FKBP14: variants seen among roughly 807,000 people sequenced by gnomAD.
FKBP14 encodes FKBP prolyl isomerase 14, also known as peptidyl-prolyl cis-trans isomerase FKBP14.
FKBP14 carries 20 observed loss-of-function variants against 21.6 expected under a neutral mutation model. The observed-to-expected ratio is 0.92, with a 90% CI of 0.65 to 1.34. The LOEUF is 1.34. FKBP14 is among the 40% of genes most tolerant of loss of function. The pLI is 0.00. For missense variants in FKBP14, 253 were observed against 249.0 expected (o/e 1.02, Z -0.11); for synonymous variants, 79 against 86.7 (o/e 0.91, Z 0.49).
Position 30,012,808 on chromosome 7 carries a change from C to G in FKBP14, c.*1927G>C, listed in dbSNP as rs1789774691. 6.6e-6 allele frequency: 1 copy of G among 152,154 alleles called. No homozygotes were observed. Among genetic ancestry groups the G allele is most frequent in the Non-Finnish European group, 1.5e-5 (1 of 68,014 alleles). The allele number at this position is 152,154 out of a possible 1,614,324, so 9.4% of individuals were successfully genotyped here. A position where few individuals can be genotyped will look rare whatever the true frequency, so the allele number is the denominator to read the frequency against. On this transcript the variant is annotated 3_prime_UTR_variant, in exon 4 of 4. Coordinates refer to ENST00000222803, the MANE Select transcript of FKBP14 (RefSeq NM_017946.4). ...TAATGTACCAGAAACAGGCAGAAAG[C>G]CATCTTCAGAGAATGAAGACTCAAA...
At chr7:30,015,408 ACT>A (rs970216670) in intron 3 of FKBP14, among the ~76,000 whole-genome samples, 33 of 151,408 alleles carry the variant, frequency 2.2e-4, no homozygotes, top group African/African-American at 7.0e-4. Flanking sequence ...ACAGAGTGAG[ACT>A]CTGTCAAAAA....
chr7:30,022,234 C>G (rs962935058), intron 2 of FKBP14, among the ~76,000 whole-genome samples: 1 of 152,134 alleles, frequency 6.6e-6, no homozygotes, highest in African/African-American at 2.4e-5. Context: ...GGATCTTTCT[C>G]TCTGCATTGT....
rs1789724788 is a variant in FKBP14 at position 30,011,500 on chromosome 7, AT to A, written c.*3234del. 1 of 147,146 alleles carries A rather than the reference AT, an allele frequency of 6.8e-6. No homozygotes were observed. The highest frequency in any genetic ancestry group is 1.5e-5 in the Non-Finnish European group (1 of 67,150). The allele number at this position is 147,146 out of a possible 1,614,324, so 9.1% of individuals were successfully genotyped here. On this transcript the variant is annotated 3_prime_UTR_variant, in exon 4 of 4. Transcript: ENST00000222803. ...TGTAAGCTCCGTTAGTAAGTGCCCT[AT>A]ACAGGTATACCATATATATATATAT...
chr7:30,006,798 C>A (rs1452741005), downstream of FKBP14, among the ~76,000 whole-genome samples: 1 of 152,192 alleles, frequency 6.6e-6, no homozygotes, highest in African/African-American at 2.4e-5. Flanking sequence ...TTCCACTGAC[C>A]TAGTGACTAT....
rs1789964426 is a variant in FKBP14, at chr7:30,019,089, A to G, written c.384T>C (p.Asn128=). 6.3e-7 allele frequency: 1 copy of G among 1,587,652 alleles called. No homozygotes were observed. The highest frequency in any genetic ancestry group is 8.5e-7 in the Non-Finnish European group (1 of 1,172,150). The part of the protein sequence containing the change: ...KIPPESTLIF[N]IDLLEIRNGP... The stretch of plus-strand genomic sequence containing the variant: ...CATTTCGAATCTCCAGGAGATCAAT[A>G]TTAAATATCAGTGTACTTTCTGGGG... Residue 128 remains asparagine (N), a synonymous_variant, in exon 3 of 4, where the codon AAT becomes AAC. Coordinates refer to ENST00000222803, the MANE Select transcript of FKBP14 (RefSeq NM_017946.4).
intron 1 of FKBP14, among the ~76,000 whole-genome samples, chr7:30,023,488 C>T (rs1790089306): frequency 6.6e-6 from 1 of 152,190 alleles, no homozygotes. Context: ...CTTTTCATCC[C>T]TAAATCCCCA....
Position 30,026,666 on chromosome 7 carries a change from T to C in FKBP14, c.-158A>G, listed in dbSNP as rs1324217278. The C allele has an allele frequency of 2.4e-5, 15 of 632,220 alleles. No individual in the cohort carries two copies. Among genetic ancestry groups the C allele is most frequent in the Middle Eastern group, 4.4e-4 (1 of 2,266 alleles). The allele number at this position is 632,220 out of a possible 1,614,324, so 39.2% of individuals were successfully genotyped here. On this transcript the variant is annotated 5_prime_UTR_variant, in exon 1 of 4. Coordinates refer to ENST00000222803, the MANE Select transcript of FKBP14 (RefSeq NM_017946.4). ...GTGGCACATTTACCACCAACTCTTT[T>C]CTCAAGGGTCACGAACCTACCTTTA...
intron 2 of FKBP14, among the ~76,000 whole-genome samples, 164 bp from the exon 3 acceptor site, chr7:30,019,287 A>G (rs538841705): frequency 6.6e-6 from 1 of 152,276 alleles, no homozygotes; most frequent in East Asian, 1.9e-4. Flanking sequence ...CTCGAATAGA[A>G]TAGAGTAAAA....
chr7:30,022,801 A>G lies in FKBP14; in HGVS notation c.213T>C (p.Asn71=), dbSNP rs755371359. ...SLFHSTHKHN[N]GQPIWFTLGI... ...CCAGGGTAAACCAAATGGGCTGACC[A>G]TTGTTATGTTTGTGACTATGATAGA... Residue 71 remains asparagine (N), a synonymous_variant, in exon 2 of 4, where the codon AAT becomes AAC. Transcript: ENST00000222803. The G allele has an allele frequency of 1.2e-6, 2 of 1,613,172 alleles. No individual in the cohort carries two copies. The highest frequency in any genetic ancestry group is 2.2e-5 in the East Asian group (1 of 44,868).
intron 3 of FKBP14, among the ~76,000 whole-genome samples, chr7:30,016,272 G>T (rs949500210): frequency 1.2e-4 from 19 of 152,108 alleles, no homozygotes; most frequent in African/African-American, 4.6e-4. Flanking sequence ...TGCAAGTAGT[G>T]GGTCTTTTGG....
At chr7:30,015,988 C>A (rs867795382) in intron 3 of FKBP14, among the ~76,000 whole-genome samples, 2 of 152,094 alleles carry the variant, frequency 1.3e-5, no homozygotes, top group South Asian at 4.1e-4. Flanking sequence ...CAGCTCACTG[C>A]AACCTCTGCC....
At chr7:30,019,369 TAC>T (rs1282120042) in intron 2 of FKBP14, among the ~76,000 whole-genome samples, 4 of 152,088 alleles carry the variant, frequency 2.6e-5, no homozygotes, top group African/African-American at 9.7e-5. Flanking sequence ...TAAATACACA[TAC>T]ACACAATGCA....
At position 30,014,830 on chromosome 7, in the gene FKBP14, CATG is replaced by C. The variant is rs764352789; in HGVS notation, c.538_540del (p.His180del). 5.0e-6 allele frequency: 8 copies of C among 1,611,662 alleles called. No homozygotes were observed. The highest frequency in any genetic ancestry group is 1.3e-5 in the African/African-American group (1 of 74,810). ...TCAAAAATATCCTCCACCAAAGCAT[CATG>C]ATGACTTTCATTCACCACCGCACCA... On this transcript the variant is annotated inframe_deletion, in exon 4 of 4. Transcript: ENST00000222803.
intron 1 of FKBP14, among the ~76,000 whole-genome samples, chr7:30,023,803 T>A (rs1790099121): frequency 6.6e-6 from 1 of 152,174 alleles, no homozygotes; most frequent in Non-Finnish European, 1.5e-5. Context: ...CTCGTGAGAC[T>A]TATTTACTAT....
At chr7:30,026,080 TAAA>T (rs149742997) in intron 1 of FKBP14, among the ~76,000 whole-genome samples, 2 of 152,098 alleles carry the variant, frequency 1.3e-5, no homozygotes, top group African/African-American at 4.8e-5. Flanking sequence ...ATTTGTATAA[TAAA>T]AAAAATTAAC....
At chr7:30,018,348 A>C (rs1208575671) in intron 3 of FKBP14, among the ~76,000 whole-genome samples, 1 of 152,190 alleles carries the variant, frequency 6.6e-6, no homozygotes, top group Non-Finnish European at 1.5e-5. Flanking sequence ...ATCTCCCTCC[A>C]CTTCTTTCCC....
intron 1 of FKBP14, among the ~76,000 whole-genome samples, chr7:30,023,081 A>G (rs1280509254): frequency 1.3e-5 from 2 of 152,152 alleles, no homozygotes; most frequent in South Asian, 2.1e-4. Context: ...CCATTTGAAC[A>G]TTTGTTGTAT....
chr7:30,021,766 G>A (rs531561806), intron 2 of FKBP14, among the ~76,000 whole-genome samples: 3 of 152,200 alleles, frequency 2.0e-5, no homozygotes, highest in South Asian at 2.1e-4. Context: ...TGTTGGCCAC[G>A]TCGGTCTCAA....
chr7:30,021,560 C>CT (rs375759314), intron 2 of FKBP14, among the ~76,000 whole-genome samples: 4,889 of 144,370 alleles, frequency 0.034, 113 homozygotes, highest in African/African-American at 0.049. Flanking sequence ...CTTCAGACCT[C>CT]TTTTTTTTTT....
Sources: gnomAD v4.1 joint callset for allele counts (sites outside exome capture counted in the v4.1 genomes callset) on GRCh38, gnomAD v4.1.1 for gene constraint, MANE v1.5 for transcripts, NCBI Gene and HGNC (gene_info 2026-07-23, HGNC 2026-07-21) for gene names.